SCMH1: variants seen among roughly 807,000 people sequenced by gnomAD.
The protein encoded by SCMH1 is polycomb protein SCMH1.
In SCMH1, 37 loss-of-function variants were observed where a neutral mutation model predicts 70.8. That is an observed-to-expected ratio of 0.52 (90% CI 0.40 to 0.69). The LOEUF (loss-of-function observed/expected upper bound fraction) is 0.69, where lower values mean the gene tolerates loss of function less well. SCMH1 is among the 30% of genes least tolerant of loss of function. The pLI, the probability that SCMH1 is intolerant of heterozygous loss-of-function variation, is 0.00. For synonymous variants in SCMH1, 292 were observed against 307.4 expected (o/e 0.95, Z 0.52); for missense variants, 607 against 827.3 (o/e 0.73, Z 3.27).
rs771296160 is a variant in SCMH1, at chr1:41,113,524, C to T, written c.504G>A (p.Glu168=). 2 of 1,611,526 alleles carry T rather than the reference C, an allele frequency of 1.2e-6. No homozygotes were observed. Among genetic ancestry groups the T allele is most frequent in the East Asian group, 4.5e-5 (2 of 44,862 alleles). Residue 168 remains glutamate (E), a splice_region_variant and synonymous_variant, in exon 8 of 15, where the codon GAG becomes GAA. Transcript: ENST00000337495. This position sits in a 1 kb window ranked among gnomAD's most constrained non-coding sequence, Gnocchi z 4.3. ...AGAAGTTGTGGGAAGGCGATGGTGG[C>T]TCCTAGATGAGAAACAGAAACATAC... is the stretch of plus-strand genomic sequence containing the variant.
intron 8 of SCMH1, among the ~76,000 whole-genome samples, chr1:41,081,479 G>C (rs1220901796): frequency 6.6e-6 from 1 of 152,192 alleles, no homozygotes; most frequent in Non-Finnish European, 1.5e-5. Flanking sequence ...TGGAGAACAT[G>C]CATCATCAAA....
intron 5 of SCMH1, among the ~76,000 whole-genome samples, chr1:41,145,817 TCAC>T (rs1398242040): frequency 1.3e-5 from 2 of 152,174 alleles, no homozygotes; most frequent in Non-Finnish European, 2.9e-5. Flanking sequence ...AACACATTAC[TCAC>T]ATTTGTGGTG....
intron 4 of SCMH1, chr1:41,159,856 T>A: frequency 7.6e-7 from 1 of 1,322,744 alleles, no homozygotes; most frequent in Non-Finnish European, 9.7e-7. Context: ...ATCATAATAA[T>A]CCTCCAAAGT....
In SCMH1 at chr1:41,113,348, C is replaced by T. The variant is rs1159506597; in HGVS notation, c.680G>A (p.Arg227Gln). 2.5e-6 allele frequency: 4 copies of T among 1,613,836 alleles called. No individual in the cohort carries two copies. The highest frequency in any genetic ancestry group is 3.4e-6 in the Non-Finnish European group (4 of 1,179,966). ...ACACCAGCCCACAGGGAAGATGTCTCGGGAGTCGAAGCGGCACCAGTAGTC... is the reference window on the plus strand; with the variant it reads ...ACACCAGCCCACAGGGAAGATGTCTTGGGAGTCGAAGCGGCACCAGTAGTC... Residue 227 changes from arginine (R) to glutamine (Q), a missense_variant, in exon 8 of 15, where the codon CGA becomes CAA. Around this residue, in one of 3 missense-constraint regions of SCMH1, gnomAD observed 105 missense variants for 214.5 expected, o/e 0.49. Transcript: ENST00000337495. The surrounding 1 kb of genome is among the most constrained non-coding windows in gnomAD (Gnocchi z 4.3).
intron 8 of SCMH1, among the ~76,000 whole-genome samples, chr1:41,094,089 C>T (rs373053706): frequency 3.9e-5 from 6 of 152,160 alleles, no homozygotes; most frequent in Non-Finnish European, 5.9e-5. Flanking sequence ...TACATCAGTA[C>T]GCACCAGAAT....
At chr1:41,063,178 CAAT>C (rs1653354381) in intron 10 of SCMH1, among the ~76,000 whole-genome samples, 1 of 151,356 alleles carries the variant, frequency 6.6e-6, no homozygotes, top group Non-Finnish European at 1.5e-5. Flanking sequence ...AACAGGAAAT[CAAT>C]AGAGGAAACA....
intron 13 of SCMH1, among the ~76,000 whole-genome samples, chr1:41,030,073 T>A (rs1194997141): frequency 6.6e-6 from 1 of 152,058 alleles, no homozygotes; most frequent in Non-Finnish European, 1.5e-5. Flanking sequence ...AAAAATTAGC[T>A]GGTATGGTGG....
intron 13 of SCMH1, chr1:41,034,018 T>A (rs563119550): frequency 6.2e-7 from 1 of 1,613,612 alleles, no homozygotes. Flanking sequence ...TGATTCCATA[T>A]CCCTTCTTTC....
intron 8 of SCMH1, among the ~76,000 whole-genome samples, chr1:41,084,731 T>C (rs1661081941): frequency 6.6e-6 from 1 of 152,088 alleles, no homozygotes; most frequent in Non-Finnish European, 1.5e-5. Flanking sequence ...CCAACCCAAA[T>C]GTCCATCAAT....
Position 41,115,997 on chromosome 1 carries a change from T to G in SCMH1, c.501+925A>C, listed in dbSNP as rs1312489294. Among the ~76,000 whole-genome samples, 4 of 152,342 alleles carry G rather than the reference T, an allele frequency of 2.6e-5. No homozygotes were observed. The South Asian group carries it at 8.3e-4, about 32-fold the overall frequency. ...TGTATCTGAATTTATTACAACTACCTTATTGTCTATGTTTCTATTTAATTT... is the reference window on the plus strand; with the variant it reads ...TGTATCTGAATTTATTACAACTACCGTATTGTCTATGTTTCTATTTAATTT... On this transcript the variant is annotated intron_variant, in intron 7 of 14. Transcript: ENST00000337495.
chr1:41,183,248 AAC>A (rs944197408), intron 2 of SCMH1, among the ~76,000 whole-genome samples: 5 of 152,156 alleles, frequency 3.3e-5, no homozygotes, highest in Non-Finnish European at 7.4e-5. Context: ...GACCAATAAA[AAC>A]AGTTATTTAA....
At chr1:41,172,570 A>G (rs1197175936) in intron 2 of SCMH1, among the ~76,000 whole-genome samples, 3 of 152,090 alleles carry the variant, frequency 2.0e-5, no homozygotes, top group African/African-American at 7.2e-5. Context: ...TCTTCACAAA[A>G]ATAGAAAAAA....
rs189747533 is a variant in SCMH1, at chr1:41,227,613, T to C, written c.-118+14446A>G. Among the ~76,000 whole-genome samples the C allele has an allele frequency of 5.9e-5, 9 of 152,286 alleles. No homozygotes were observed. In the East Asian group the frequency reaches 1.4e-3, roughly 23 times the overall value. Reference sequence around the variant, plus strand: ...CAGGAACTGGAGGGAGGGAGGAATGTATGCCATGGGTGCAACTAGCTGGGG... The same window carrying C: ...CAGGAACTGGAGGGAGGGAGGAATGCATGCCATGGGTGCAACTAGCTGGGG... On this transcript the variant is annotated intron_variant, in intron 1 of 14. Transcript: ENST00000337495.
At chr1:41,057,542 G>C (rs188407664) in intron 10 of SCMH1, among the ~76,000 whole-genome samples, 10 of 152,016 alleles carry the variant, frequency 6.6e-5, no homozygotes, top group Non-Finnish European at 1.3e-4. Flanking sequence ...GAGCCACTGC[G>C]CCTGGCCCTA....
At chr1:41,182,987 A>C (rs1156437331) in intron 2 of SCMH1, among the ~76,000 whole-genome samples, 1 of 152,204 alleles carries the variant, frequency 6.6e-6, no homozygotes, top group Non-Finnish European at 1.5e-5. Context: ...ATTTTTTCAA[A>C]GTGTTCTAAG....
At chr1:41,186,738 G>A (rs1421443452) in intron 1 of SCMH1, among the ~76,000 whole-genome samples, 1 of 152,142 alleles carries the variant, frequency 6.6e-6, no homozygotes, top group Non-Finnish European at 1.5e-5. Context: ...AAAAGGATGA[G>A]ACATGAGAGA....
intron 1 of SCMH1, among the ~76,000 whole-genome samples, chr1:41,241,313 G>A (rs1260548019): frequency 6.6e-6 from 1 of 152,228 alleles, no homozygotes; most frequent in Non-Finnish European, 1.5e-5. Context: ...CGATGCTCTC[G>A]GGCTGGCACA....
chr1:41,054,544 A>G (rs1162786804), intron 10 of SCMH1, among the ~76,000 whole-genome samples: 4 of 152,228 alleles, frequency 2.6e-5, no homozygotes, highest in Non-Finnish European at 4.4e-5. Context: ...TGTAAGAAAG[A>G]TGTAACTCTA....
At chr1:41,126,541 C>A (rs1557560564) in intron 6 of SCMH1, among the ~76,000 whole-genome samples, 1 of 152,042 alleles carries the variant, frequency 6.6e-6, no homozygotes, top group Non-Finnish European at 1.5e-5. Flanking sequence ...CTTGACATTC[C>A]TGTGTTTCTT....
Sources: allele counts gnomAD v4.1 joint callset (sites outside exome capture counted in the v4.1 genomes callset), GRCh38; gene constraint gnomAD v4.1.1; regional missense constraint gnomAD v4.1.1; non-coding constraint Gnocchi (gnomAD v3.1); transcripts MANE v1.5; gene names NCBI Gene and HGNC (gene_info 2026-07-23, HGNC 2026-07-21).